Variants in LRRIQ3 observed in about 807,000 individuals in gnomAD.
LRRIQ3 encodes leucine rich repeats and IQ motif containing 3, also known as leucine-rich repeat and IQ domain-containing protein 3.
LRRIQ3 carries 75 observed loss-of-function variants against 59.3 expected under a neutral mutation model. That is an observed-to-expected ratio of 1.26 (90% confidence interval 1.05 to 1.53). The LOEUF (loss-of-function observed/expected upper bound fraction) is 1.53, where lower values mean the gene tolerates loss of function less well. Among genes scored for constraint, LRRIQ3 ranks in the 40% most tolerant of loss-of-function variants. The pLI, the probability that LRRIQ3 is intolerant of heterozygous loss-of-function variation, is 0.00. For missense variants in LRRIQ3, 831 were observed against 710.0 expected (o/e 1.17, Z -1.94); for synonymous variants, 250 against 231.3 (o/e 1.08, Z -0.73).
At chr1:74,068,073 C>T (rs1270041570) in intron 6 of LRRIQ3, among the ~76,000 whole-genome samples, 4 of 152,004 alleles carry the variant, frequency 2.6e-5, no homozygotes, top group Non-Finnish European at 4.4e-5. Flanking sequence ...CAAGTTATCA[C>T]GGGGAAATTC....
chr1:74,055,361 C>T (rs1167865903), intron 6 of LRRIQ3, among the ~76,000 whole-genome samples: 1 of 151,800 alleles, frequency 6.6e-6, no homozygotes, highest in Non-Finnish European at 1.5e-5. Context: ...CTTGTTCCCC[C>T]CTCTCTTCTG....
At chr1:74,065,435 G>A (rs1453802680) in intron 6 of LRRIQ3, among the ~76,000 whole-genome samples, 1 of 151,856 alleles carries the variant, frequency 6.6e-6, no homozygotes, top group Non-Finnish European at 1.5e-5. Flanking sequence ...CATAATCCTA[G>A]AAGAGCTGAC....
chr1:74,035,790 T>C (rs1483787), intron 7 of LRRIQ3, among the ~76,000 whole-genome samples: 3 of 151,776 alleles, frequency 2.0e-5, no homozygotes, highest in Non-Finnish European at 2.9e-5. Context: ...CTTCATAAAC[T>C]TTCTGCTATA....
At chr1:74,171,707 AT>A (rs1207920007) in intron 3 of LRRIQ3, among the ~76,000 whole-genome samples, 1 of 152,188 alleles carries the variant, frequency 6.6e-6, no homozygotes, top group East Asian at 1.9e-4. Flanking sequence ...GAATTTAAAA[AT>A]AATTGGTATT....
intron 3 of LRRIQ3, among the ~76,000 whole-genome samples, chr1:74,172,105 T>C (rs1168697796): frequency 6.6e-6 from 1 of 152,152 alleles, no homozygotes; most frequent in African/African-American, 2.4e-5. Flanking sequence ...TTCATTTATT[T>C]TTGCCCTGAT....
chr1:74,150,224 G>C (rs1647842951), intron 4 of LRRIQ3, among the ~76,000 whole-genome samples: 1 of 152,098 alleles, frequency 6.6e-6, no homozygotes, highest in South Asian at 2.1e-4. Context: ...TGAAAAGTTA[G>C]AGGAAGGTTG....
chr1:74,063,660 A>G (rs930499802), intron 6 of LRRIQ3, among the ~76,000 whole-genome samples: 12 of 152,018 alleles, frequency 7.9e-5, no homozygotes, highest in African/African-American at 2.9e-4. Context: ...ATTTCTAGCA[A>G]CACTGTTTTT....
rs59890149 is a variant in LRRIQ3, at chr1:74,151,011, CTTTTTTTTTTTTTTT to C, written c.707+4707_707+4721del. Among the ~76,000 whole-genome samples, 323 of 63,422 alleles carry C rather than the reference CTTTTTTTTTTTTTTT, an allele frequency of 5.1e-3. 6 individuals carry two copies. The highest frequency in any genetic ancestry group is 0.016 in the African/African-American group (291 of 18,352). The allele number at this position is 63,422 out of a possible 152,430, so 41.6% of individuals were successfully genotyped here. ...AGAAATAGTTATTGAATGATGCTTT[CTTTTTTTTTTTTTTT>C]TTTTTTTTTTTAGATGGAGTCTTGC... is the stretch of plus-strand genomic sequence containing the variant. On this transcript the variant is annotated intron_variant, in intron 4 of 7. Coordinates refer to ENST00000354431, the MANE Select transcript of LRRIQ3 (RefSeq NM_001105659.2).
intron 4 of LRRIQ3, among the ~76,000 whole-genome samples, chr1:74,146,028 T>A (rs1374951390): frequency 6.6e-6 from 1 of 152,166 alleles, no homozygotes; most frequent in African/African-American, 2.4e-5. Flanking sequence ...TATTTATCAT[T>A]ATCTTACAAT....
chr1:74,180,864 T>C, intron 3 of LRRIQ3: 1 of 1,438,988 alleles, frequency 6.9e-7, no homozygotes, highest in Non-Finnish European at 9.5e-7. Flanking sequence ...CCCTAGCTAA[T>C]GTAGCCCAAA....
intron 6 of LRRIQ3, among the ~76,000 whole-genome samples, chr1:74,070,018 C>A (rs1270553902): frequency 1.3e-5 from 2 of 151,866 alleles, no homozygotes; most frequent in Admixed American, 6.6e-5. Flanking sequence ...GTTTATACAC[C>A]GCTGATGGGA....
At position 74,123,422 on chromosome 1, in the gene LRRIQ3, G is replaced by A. The variant is rs896057444; in HGVS notation, c.708-13869C>T. Among the ~76,000 whole-genome samples, 3 of 150,702 alleles carry A rather than the reference G, an allele frequency of 2.0e-5. No individual in the cohort carries two copies. The Admixed American group carries it at 2.0e-4, about 10-fold the overall frequency. On this transcript the variant is annotated intron_variant, in intron 4 of 7. Transcript: ENST00000354431. ...TCATTACATCTAACTGTATTTTTAT[G>A]CCCATTAACTGTCCCCATTCCACCC...
chr1:74,144,472 A>G, intron 4 of LRRIQ3: 1 of 357,034 alleles, frequency 2.8e-6, no homozygotes, highest in Non-Finnish European at 5.7e-6. Flanking sequence ...AAAATTAGAA[A>G]AAAAATGTTT....
At chr1:74,140,309 T>C (rs1647210249) in intron 4 of LRRIQ3, among the ~76,000 whole-genome samples, 1 of 151,816 alleles carries the variant, frequency 6.6e-6, no homozygotes, top group Non-Finnish European at 1.5e-5. Flanking sequence ...GCCATAAAGA[T>C]TACTAGATGA....
At chr1:74,071,046 C>G (rs1344726599) in intron 6 of LRRIQ3, among the ~76,000 whole-genome samples, 1 of 149,400 alleles carries the variant, frequency 6.7e-6, no homozygotes, top group East Asian at 2.0e-4. Context: ...CACACACACA[C>G]ATACACACAC....
intron 4 of LRRIQ3, among the ~76,000 whole-genome samples, chr1:74,124,515 C>A (rs914588840): frequency 6.6e-6 from 1 of 151,868 alleles, no homozygotes; most frequent in Non-Finnish European, 1.5e-5. Context: ...AGCTGCAAAT[C>A]CATTTTGATG....
chr1:74,176,495 T>C (rs1340539197), intron 3 of LRRIQ3, among the ~76,000 whole-genome samples: 9 of 152,200 alleles, frequency 5.9e-5, no homozygotes, highest in Admixed American at 5.2e-4. Context: ...TTTATGTCTA[T>C]TGCAACATTT....
intron 4 of LRRIQ3, among the ~76,000 whole-genome samples, chr1:74,132,297 C>A (rs147548820): frequency 0.017 from 2,517 of 152,160 alleles, 72 homozygotes; most frequent in African/African-American, 0.057. Flanking sequence ...GGCCATATTG[C>A]CCAAGGTAAT....
chr1:74,183,632 T>G lies in LRRIQ3; in HGVS notation c.53A>C (p.His18Pro). 6.2e-7 allele frequency: 1 copy of G among 1,611,412 alleles called. No homozygotes were observed. Among genetic ancestry groups the G allele is most frequent in the Non-Finnish European group, 8.5e-7 (1 of 1,178,366 alleles). ...EELTSHEEWS[H>P]YNENIREGQK... ...ACCTTCTCTTATGTTTTCATTATAG[T>G]GACTCCATTCTTCATGACTGGTTAG... is the stretch of plus-strand genomic sequence containing the variant. Residue 18 changes from histidine to proline, a missense_variant, in exon 2 of 8, where the codon CAC becomes CCC. Physicochemically the swap from His to Pro is moderately conservative, Grantham distance 77 (BLOSUM62 -2). Transcript: ENST00000354431.
Sources: gnomAD v4.1 joint callset for allele counts (sites outside exome capture counted in the v4.1 genomes callset) on GRCh38, gnomAD v4.1.1 for gene constraint, MANE v1.5 for transcripts, NCBI Gene and HGNC (gene_info 2026-07-23, HGNC 2026-07-21) for gene names.